Variants in CHST11 observed in about 807,000 individuals in gnomAD.
CHST11 encodes the protein carbohydrate sulfotransferase 11.
In CHST11, 9 loss-of-function variants were observed where a neutral mutation model predicts 30.4. The ratio of observed to expected loss-of-function variants is 0.30; its 90% CI spans 0.18 to 0.52. The LOEUF (loss-of-function observed/expected upper bound fraction) is 0.52, where lower values mean the gene tolerates loss of function less well. CHST11 is among the 20% of genes least tolerant of loss of function. The pLI is 0.97. For missense variants in CHST11, 348 were observed against 460.6 expected (o/e 0.76, Z 2.24); for synonymous variants, 152 against 187.8 (o/e 0.81, Z 1.56).
chr12:104,473,648 CT>C (rs145335565), intron 1 of CHST11, among the ~76,000 whole-genome samples: 1 of 152,144 alleles, frequency 6.6e-6, no homozygotes, highest in South Asian at 2.1e-4. Context: ...AAGACTGCCT[CT>C]TTTTTTAGGC....
intron 2 of CHST11, among the ~76,000 whole-genome samples, chr12:104,730,627 A>T (rs1201853195): frequency 6.6e-6 from 1 of 151,946 alleles, no homozygotes; most frequent in Non-Finnish European, 1.5e-5. Context: ...ACTTGGTTGG[A>T]TCTTGAAAGG....
chr12:104,693,245 G>A (rs895064176), intron 2 of CHST11, among the ~76,000 whole-genome samples: 5 of 152,148 alleles, frequency 3.3e-5, no homozygotes, highest in African/African-American at 1.2e-4. Context: ...GAAGTGCTGG[G>A]GGCTAAGACT....
chr12:104,747,032 C>A (rs1420806129), intron 2 of CHST11, among the ~76,000 whole-genome samples: 1 of 152,234 alleles, frequency 6.6e-6, no homozygotes, highest in African/African-American at 2.4e-5. Context: ...TAGCTTATAG[C>A]TCCTGGCATT....
At chr12:104,484,878 G>A (rs1428269874) in intron 1 of CHST11, among the ~76,000 whole-genome samples, 4 of 152,182 alleles carry the variant, frequency 2.6e-5, no homozygotes, top group Admixed American at 6.5e-5. Context: ...AAGGATGTGG[G>A]GATTGTTGGA....
At chr12:104,702,455 C>G (rs1322750465) in intron 2 of CHST11, among the ~76,000 whole-genome samples, 1 of 151,810 alleles carries the variant, frequency 6.6e-6, no homozygotes, top group African/African-American at 2.4e-5. Context: ...GGTCCTGAAC[C>G]CATTCTGTGA....
chr12:104,666,804 A>G (rs1168774315), intron 2 of CHST11, among the ~76,000 whole-genome samples: 1 of 151,576 alleles, frequency 6.6e-6, no homozygotes, highest in African/African-American at 2.4e-5. Flanking sequence ...GAGGCGGGGC[A>G]AGGTCTGATA....
intron 2 of CHST11, among the ~76,000 whole-genome samples, chr12:104,652,016 AT>A (rs1566023603): frequency 6.6e-6 from 1 of 152,214 alleles, no homozygotes. Flanking sequence ...GACAAGGAAG[AT>A]ACTTTTCCTG....
At chr12:104,709,370 A>G (rs1025874231) in intron 2 of CHST11, among the ~76,000 whole-genome samples, 1 of 152,200 alleles carries the variant, frequency 6.6e-6, no homozygotes, top group Non-Finnish European at 1.5e-5. Flanking sequence ...GGCTTTGGGG[A>G]CAGGAAAGCC....
intron 1 of CHST11, among the ~76,000 whole-genome samples, chr12:104,475,326 T>C (rs527973426): frequency 6.6e-6 from 1 of 152,010 alleles, no homozygotes; most frequent in African/African-American, 2.4e-5. Context: ...TTAGCTGTAA[T>C]GCTTTATAAT....
chr12:104,584,584 A>C (rs763160379), intron 1 of CHST11, among the ~76,000 whole-genome samples: 2 of 152,134 alleles, frequency 1.3e-5, no homozygotes, highest in Non-Finnish European at 2.9e-5. Flanking sequence ...GCTGTCTTTT[A>C]TATGTGTATG....
At chr12:104,576,489 T>A (rs901560225) in intron 1 of CHST11, among the ~76,000 whole-genome samples, 1 of 152,136 alleles carries the variant, frequency 6.6e-6, no homozygotes, top group Non-Finnish European at 1.5e-5. Flanking sequence ...CAGAACCATA[T>A]ATATGAGCCT....
intron 1 of CHST11, among the ~76,000 whole-genome samples, chr12:104,536,412 A>G (rs1045713441): frequency 6.6e-6 from 1 of 152,218 alleles, no homozygotes; most frequent in South Asian, 2.1e-4. Context: ...GACCAGCAGT[A>G]TCAGCACCAC....
chr12:104,539,938 T>C (rs568496771), intron 1 of CHST11, among the ~76,000 whole-genome samples: 1 of 152,278 alleles, frequency 6.6e-6, no homozygotes, highest in East Asian at 1.9e-4. Flanking sequence ...CCTCCCAAAG[T>C]GCTGGGATTA....
intron 1 of CHST11, among the ~76,000 whole-genome samples, chr12:104,462,934 T>C (rs1301192650): frequency 1.3e-5 from 2 of 152,170 alleles, no homozygotes; most frequent in African/African-American, 4.8e-5. Context: ...CTCATTTTCA[T>C]TGCCTTCCAA....
intron 1 of CHST11, among the ~76,000 whole-genome samples, chr12:104,592,808 C>T (rs185349000): frequency 6.6e-6 from 1 of 152,126 alleles, no homozygotes; most frequent in Non-Finnish European, 1.5e-5. Context: ...TGTACTTGGA[C>T]AGGGATCTTA....
intron 2 of CHST11, among the ~76,000 whole-genome samples, chr12:104,750,309 G>A (rs1042397266): frequency 4.4e-4 from 67 of 151,588 alleles, no homozygotes; most frequent in African/African-American, 1.6e-3. Context: ...AAGCATCTGC[G>A]TGGTTTCAGG....
intron 1 of CHST11, among the ~76,000 whole-genome samples, chr12:104,513,043 TG>T (rs1304986498): frequency 6.7e-6 from 1 of 150,022 alleles, no homozygotes; most frequent in Admixed American, 6.8e-5. Context: ...ATTTCCCTCC[TG>T]AGTCTAGGTA....
At chr12:104,566,172 C>T (rs2038564280) in intron 1 of CHST11, among the ~76,000 whole-genome samples, 1 of 152,156 alleles carries the variant, frequency 6.6e-6, no homozygotes, top group African/African-American at 2.4e-5. Flanking sequence ...TGACTCTGTG[C>T]CTCAGTGTCA....
chr12:104,617,274 CAG>C (rs928256077), intron 2 of CHST11, among the ~76,000 whole-genome samples: 1 of 152,136 alleles, frequency 6.6e-6, no homozygotes, highest in Non-Finnish European at 1.5e-5. Context: ...TAGCCACAGT[CAG>C]AGTTATTAAT....
Sources: gnomAD v4.1 joint callset for allele counts (sites outside exome capture counted in the v4.1 genomes callset) on GRCh38, gnomAD v4.1.1 for gene constraint, MANE v1.5 for transcripts, NCBI Gene and HGNC (gene_info 2026-07-23, HGNC 2026-07-21) for gene names.